Variants in GRM7 observed in about 807,000 individuals in gnomAD.
GRM7 encodes glutamate metabotropic receptor 7.
GRM7 carries 35 observed loss-of-function variants against 84.5 expected under a neutral mutation model. That is an observed-to-expected ratio of 0.41 (90% CI 0.32 to 0.55). The LOEUF (loss-of-function observed/expected upper bound fraction) is 0.55. GRM7 is among the 20% of genes least tolerant of loss of function. GRM7 has a pLI of 0.19. For missense variants in GRM7, 1,003 were observed against 1,194.6 expected (o/e 0.84, Z 2.36); for synonymous variants, 487 against 455.1 (o/e 1.07, Z -0.89).
rs371388145 is a variant in GRM7 at position 7,413,746 on chromosome 3, G to A, written c.1034-1277G>A. ...TGATGGAGCGTCTAGTAGAGAAAGAGAGGAAATGGCTTGGTAAGTGGGCCA... is the reference window on the plus strand; with the variant it reads ...TGATGGAGCGTCTAGTAGAGAAAGAAAGGAAATGGCTTGGTAAGTGGGCCA... On this transcript the variant is annotated intron_variant, in intron 4 of 9. Coordinates refer to ENST00000357716, the MANE Select transcript of GRM7 (RefSeq NM_000844.4). 5.3e-5 allele frequency among the ~76,000 whole-genome samples: 8 copies of A among 152,312 alleles called. No individual in the cohort carries two copies. The South Asian group carries it at 1.0e-3, about 20-fold the overall frequency.
chr3:7,122,711 G>C (rs2125045175), intron 1 of GRM7, among the ~76,000 whole-genome samples: 1 of 152,248 alleles, frequency 6.6e-6, no homozygotes, highest in African/African-American at 2.4e-5. Flanking sequence ...ATTTTAAATT[G>C]TTGAAAATAG....
intron 1 of GRM7, among the ~76,000 whole-genome samples, chr3:7,057,657 T>G (rs1177284720): frequency 1.3e-5 from 2 of 151,972 alleles, no homozygotes; most frequent in Non-Finnish European, 2.9e-5. Flanking sequence ...TAGAATATCT[T>G]AATGTTTGAG....
intron 2 of GRM7, among the ~76,000 whole-genome samples, chr3:7,217,221 C>A (rs566895604): frequency 1.1e-3 from 167 of 152,244 alleles, no homozygotes; most frequent in Non-Finnish European, 2.1e-3. Flanking sequence ...AAATGGGCCA[C>A]CAGTGAGTCT....
At chr3:7,462,313 T>C (rs183648557) in intron 7 of GRM7, among the ~76,000 whole-genome samples, 1 of 152,334 alleles carries the variant, frequency 6.6e-6, no homozygotes, top group Non-Finnish European at 1.5e-5. Context: ...CTTTTTGTTC[T>C]ATTTAGGCCT....
At chr3:6,956,445 T>C in intron 1 of GRM7, 1 of 416,832 alleles carries the variant, frequency 2.4e-6, no homozygotes, top group South Asian at 1.8e-5. Flanking sequence ...CTCTAAGACT[T>C]TGGGCAAACG....
At chr3:7,673,095 T>G (rs1425954467) in intron 8 of GRM7, among the ~76,000 whole-genome samples, 1 of 152,118 alleles carries the variant, frequency 6.6e-6, no homozygotes, top group Non-Finnish European at 1.5e-5. Context: ...CCTTGATGAG[T>G]GGTTGTTACA....
chr3:7,354,747 A>G (rs755552893), intron 4 of GRM7, among the ~76,000 whole-genome samples: 13 of 152,112 alleles, frequency 8.5e-5, no homozygotes, highest in Non-Finnish European at 1.5e-4. Context: ...TCTGTACCAG[A>G]TGTGGTTTTA....
At chr3:7,081,894 T>C (rs2124998307) in intron 1 of GRM7, among the ~76,000 whole-genome samples, 1 of 152,210 alleles carries the variant, frequency 6.6e-6, no homozygotes, top group East Asian at 1.9e-4. Context: ...TCTTCAATTC[T>C]GCAAAGGCTG....
chr3:7,575,183 G>A (rs189162606), intron 7 of GRM7, among the ~76,000 whole-genome samples: 2 of 152,106 alleles, frequency 1.3e-5, no homozygotes, highest in Admixed American at 6.5e-5. Flanking sequence ...CCAAAAGCTA[G>A]GATCTCAGCC....
chr3:7,036,219 G>T lies in GRM7; in HGVS notation c.520-110233G>T, dbSNP rs1304503396. 4.6e-5 allele frequency among the ~76,000 whole-genome samples: 7 copies of T among 152,148 alleles called. No homozygotes were observed. The South Asian group carries it at 1.5e-3, about 32-fold the overall frequency. ...TCTATAAAGGAGAGAGAAAAGAGAG[G>T]CTGATAAATGAATCATGGCCAATAA... is the stretch of plus-strand genomic sequence containing the variant. On this transcript the variant is annotated intron_variant, in intron 1 of 9. Transcript: ENST00000357716.
chr3:7,512,619 AT>A (rs963758332), intron 7 of GRM7, among the ~76,000 whole-genome samples: 1 of 147,094 alleles, frequency 6.8e-6, no homozygotes, highest in African/African-American at 2.5e-5. Context: ...TTAGAGAGAC[AT>A]TTGGGAATTT....
At chr3:7,099,529 C>A (rs1282019901) in intron 1 of GRM7, among the ~76,000 whole-genome samples, 3 of 146,818 alleles carry the variant, frequency 2.0e-5, no homozygotes, top group Non-Finnish European at 4.5e-5. Flanking sequence ...TATGTACACG[C>A]ATTATACATG....
chr3:7,452,847 G>T (rs771348052), intron 6 of GRM7, 40 bp downstream of exon 6: 27 of 1,252,504 alleles, frequency 2.2e-5, no homozygotes, highest in Non-Finnish European at 1.5e-5. Flanking sequence ...AATCCTAAGT[G>T]TTGGCATTCT....
intron 9 of GRM7, among the ~76,000 whole-genome samples, chr3:7,700,027 C>A (rs1701169617): frequency 6.6e-6 from 1 of 152,116 alleles, no homozygotes; most frequent in Non-Finnish European, 1.5e-5. Flanking sequence ...AGCTAACGTC[C>A]CAGGATGTGA....
intron 5 of GRM7, among the ~76,000 whole-genome samples, chr3:7,443,379 A>G (rs1291911940): frequency 6.6e-6 from 1 of 152,176 alleles, no homozygotes; most frequent in Non-Finnish European, 1.5e-5. Context: ...CATTATCATC[A>G]TGGAATAGCT....
Position 7,491,402 on chromosome 3 carries a change from G to T in GRM7, c.1515+29680G>T, listed in dbSNP as rs796516646. ...TGCATAATAAAATATTAAGGAAAAT[G>T]ATTTAGATGGTATATATATATATAT... On this transcript the variant is annotated intron_variant, in intron 7 of 9. Transcript: ENST00000357716. Among the ~76,000 whole-genome samples the T allele has an allele frequency of 1.3e-4, 16 of 119,788 alleles. No homozygotes were observed. In the East Asian group the frequency reaches 4.5e-3, roughly 34 times the overall value. The allele number at this position is 119,788 out of a possible 152,430, so 78.6% of individuals were successfully genotyped here.
chr3:7,572,879 T>TATATATATATATAA (rs1387026609), intron 7 of GRM7, among the ~76,000 whole-genome samples: 3 of 66,142 alleles, frequency 4.5e-5, no homozygotes, highest in Non-Finnish European at 1.0e-4. Context: ...TATATATATA[T>TATATATATATATAA]AAATAATCTT....
intron 1 of GRM7, among the ~76,000 whole-genome samples, chr3:6,931,336 G>T (rs924910159): frequency 6.6e-6 from 1 of 152,106 alleles, no homozygotes; most frequent in East Asian, 1.9e-4. Flanking sequence ...GAAAATAATA[G>T]AAATAGGAAG....
rs1697754671 is a variant in GRM7, at chr3:6,938,160, A to G, written c.519+76253A>G. Among the ~76,000 whole-genome samples the G allele has an allele frequency of 2.0e-5, 3 of 152,208 alleles. No homozygotes were observed. The South Asian group carries it at 6.2e-4, about 32-fold the overall frequency. On this transcript the variant is annotated intron_variant, in intron 1 of 9. Coordinates refer to ENST00000357716, the MANE Select transcript of GRM7 (RefSeq NM_000844.4). ...AAGAAACAATGGATTATGGATTATTATCAAGTCAAATGATTAGATTGTTCC... is the reference window on the plus strand; with the variant it reads ...AAGAAACAATGGATTATGGATTATTGTCAAGTCAAATGATTAGATTGTTCC...
Sources: gnomAD v4.1 joint callset for allele counts (sites outside exome capture counted in the v4.1 genomes callset) on GRCh38, gnomAD v4.1.1 for gene constraint, MANE v1.5 for transcripts, NCBI Gene and HGNC (gene_info 2026-07-23, HGNC 2026-07-21) for gene names.